Variants in FRAS1 observed in about 807,000 individuals in gnomAD.
The protein encoded by FRAS1 is Fraser extracellular matrix complex subunit 1.
In FRAS1, 290 loss-of-function variants were observed where a neutral mutation model predicts 435.2. That is an observed-to-expected ratio of 0.67 (90% CI 0.61 to 0.73). The LOEUF is 0.73. FRAS1 is among the 30% of genes least tolerant of loss of function. The pLI, the probability that FRAS1 is intolerant of heterozygous loss-of-function variation, is 0.00. For missense variants in FRAS1, 4,860 were observed against 5,001.5 expected (o/e 0.97, Z 0.85); for synonymous variants, 1,800 against 1,851.0 (o/e 0.97, Z 0.71).
intron 2 of FRAS1, among the ~76,000 whole-genome samples, chr4:78,156,912 C>T (rs928143975): frequency 6.6e-6 from 1 of 152,158 alleles, no homozygotes; most frequent in African/African-American, 2.4e-5. Flanking sequence ...TGCACTGTCT[C>T]CTCTGCTGCT....
At chr4:78,505,011 T>C (rs1720789648) in intron 61 of FRAS1, among the ~76,000 whole-genome samples, 1 of 152,252 alleles carries the variant, frequency 6.6e-6, no homozygotes, top group South Asian at 2.1e-4. Context: ...TATGAAATTC[T>C]GGTTTGAAAA....
chr4:78,177,060 A>G (rs942045256), intron 2 of FRAS1, among the ~76,000 whole-genome samples: 2 of 151,606 alleles, frequency 1.3e-5, no homozygotes, highest in Non-Finnish European at 2.9e-5. Context: ...TAGAACCTCA[A>G]TGGGAGGGAG....
intron 31 of FRAS1, 144 bp downstream of exon 31, chr4:78,407,985 A>G (rs1434196554): frequency 7.1e-6 from 5 of 705,288 alleles, no homozygotes; most frequent in Non-Finnish European, 2.2e-6. Context: ...TGCTACTGAT[A>G]AAGACATACC....
intron 29 of FRAS1, among the ~76,000 whole-genome samples, chr4:78,390,163 A>G (rs1034923800): frequency 3.3e-5 from 5 of 152,200 alleles, no homozygotes; most frequent in Admixed American, 1.3e-4. Context: ...TTTTCCTTAT[A>G]TCTCTTTTAC....
intron 72 of FRAS1, among the ~76,000 whole-genome samples, chr4:78,538,180 T>C (rs1721939625): frequency 6.6e-6 from 1 of 152,212 alleles, no homozygotes. Context: ...CTAAAAAATA[T>C]CTTACTTAAG....
chr4:78,080,505 A>G (rs1049576283), intron 2 of FRAS1, among the ~76,000 whole-genome samples: 3 of 152,200 alleles, frequency 2.0e-5, no homozygotes, highest in African/African-American at 4.8e-5. Flanking sequence ...TTGTAAGTGG[A>G]ATAGCTTTTA....
At chr4:78,505,935 G>T (rs1720824258) in intron 61 of FRAS1, among the ~76,000 whole-genome samples, 1 of 152,150 alleles carries the variant, frequency 6.6e-6, no homozygotes, top group African/African-American at 2.4e-5. Context: ...CCTTTTTGTT[G>T]ATGTTGCTGC....
At chr4:78,361,557 T>G (rs1731074097) in intron 20 of FRAS1, among the ~76,000 whole-genome samples, 1 of 152,152 alleles carries the variant, frequency 6.6e-6, no homozygotes, top group Non-Finnish European at 1.5e-5. Context: ...CTCTGAAGGG[T>G]TCTCATGTGG....
At chr4:78,476,367 G>A (rs1719852786) in intron 54 of FRAS1, among the ~76,000 whole-genome samples, 3 of 152,112 alleles carry the variant, frequency 2.0e-5, no homozygotes, top group South Asian at 2.1e-4. Context: ...GAGAGTGAAA[G>A]TGGAAGAGAA....
chr4:78,136,673 A>G (rs1434530239), intron 2 of FRAS1, among the ~76,000 whole-genome samples: 1 of 152,204 alleles, frequency 6.6e-6, no homozygotes, highest in African/African-American at 2.4e-5. Context: ...TTAATGAATG[A>G]CAGAGCAGAT....
intron 14 of FRAS1, among the ~76,000 whole-genome samples, chr4:78,293,221 A>G (rs901195443): frequency 1.3e-5 from 2 of 152,198 alleles, no homozygotes; most frequent in South Asian, 2.1e-4. Context: ...CTATAAAGAT[A>G]CCTTACAGGG....
chr4:78,303,265 G>C (rs1560639045), intron 14 of FRAS1, among the ~76,000 whole-genome samples: 1 of 152,114 alleles, frequency 6.6e-6, no homozygotes, highest in Non-Finnish European at 1.5e-5. Context: ...CTGTAGCCTT[G>C]TAGTATAGTT....
intron 29 of FRAS1, among the ~76,000 whole-genome samples, chr4:78,393,361 C>T (rs1732526975): frequency 6.6e-6 from 1 of 151,744 alleles, no homozygotes; most frequent in Non-Finnish European, 1.5e-5. Flanking sequence ...TCATGATTAC[C>T]ATAAGGGTTA....
intron 14 of FRAS1, among the ~76,000 whole-genome samples, chr4:78,304,703 G>A (rs1179095388): frequency 6.6e-6 from 1 of 151,970 alleles, no homozygotes; most frequent in Non-Finnish European, 1.5e-5. Flanking sequence ...TGTGGGATAG[G>A]TGGTGATATC....
intron 9 of FRAS1, among the ~76,000 whole-genome samples, chr4:78,277,206 C>A (rs574512818): frequency 3.9e-5 from 6 of 152,138 alleles, no homozygotes; most frequent in Admixed American, 3.9e-4. Context: ...TTCCAGGTGC[C>A]GTCTGTCACA....
intron 2 of FRAS1, among the ~76,000 whole-genome samples, chr4:78,184,389 A>G (rs1722182750): frequency 6.6e-6 from 1 of 152,240 alleles, no homozygotes; most frequent in Non-Finnish European, 1.5e-5. Context: ...TTTGAATTAC[A>G]TAAAATTCTC....
At chr4:78,252,687 A>G in intron 5 of FRAS1, 136 bp downstream of exon 5, 1 of 868,520 alleles carries the variant, frequency 1.2e-6, no homozygotes. Flanking sequence ...AAATAGAAAG[A>G]GTACAAAGAG....
intron 19 of FRAS1, among the ~76,000 whole-genome samples, chr4:78,336,629 C>A (rs1405264593): frequency 6.6e-6 from 1 of 151,978 alleles, no homozygotes; most frequent in Non-Finnish European, 1.5e-5. Flanking sequence ...AGTTTATTTT[C>A]TTGCTTGCTT....
intron 14 of FRAS1, among the ~76,000 whole-genome samples, chr4:78,302,546 T>C (rs1728465090): frequency 6.6e-6 from 1 of 152,172 alleles, no homozygotes; most frequent in African/African-American, 2.4e-5. Flanking sequence ...TGATTGCCAT[T>C]CTAACTGGTG....
Sources: gnomAD v4.1 joint callset for allele counts (sites outside exome capture counted in the v4.1 genomes callset) on GRCh38, gnomAD v4.1.1 for gene constraint, MANE v1.5 for transcripts, NCBI Gene and HGNC (gene_info 2026-07-23, HGNC 2026-07-21) for gene names.